Variants in CAPN1 observed in about 807,000 individuals in gnomAD.
CAPN1 encodes the protein calpain-1 catalytic subunit.
CAPN1 carries 77 observed loss-of-function variants against 105.2 expected under a neutral mutation model. The observed-to-expected ratio is 0.73, with a 90% CI of 0.61 to 0.88. The LOEUF (loss-of-function observed/expected upper bound fraction) is 0.88, where lower values mean the gene tolerates loss of function less well. Ranked by LOEUF, CAPN1 falls within the 40% of genes least tolerant of loss-of-function variation. The pLI, the probability that CAPN1 is intolerant of heterozygous loss-of-function variation, is 0.00. For synonymous variants in CAPN1, 355 were observed against 388.8 expected (o/e 0.91, Z 1.02); for missense variants, 833 against 976.6 (o/e 0.85, Z 1.96).
chr11:65,182,803 C>T lies in CAPN1; in HGVS notation c.102C>T (p.Ala34=), dbSNP rs370263547. ...RELGLGRHEN[A]IKYLGQDYEQ... ...TGGGCCTGGGCCGCCATGAGAATGC[C>T]ATCAAGTACCTGGGCCAGGATTATG... is the stretch of plus-strand genomic sequence containing the variant. The change falls in exon 2 of 22, where the codon GCC becomes GCT. Residue 34 remains alanine, a synonymous_variant. Coordinates refer to ENST00000279247, the MANE Select transcript of CAPN1 (RefSeq NM_005186.4). 1.3e-6 allele frequency: 2 copies of T among 1,588,072 alleles called. No individual in the cohort carries two copies. Among genetic ancestry groups the T allele is most frequent in the African/African-American group, 2.7e-5 (2 of 74,204 alleles).
intron 10 of CAPN1, among the ~76,000 whole-genome samples, chr11:65,203,139 A>C (rs1408356853): frequency 6.6e-6 from 1 of 151,712 alleles, no homozygotes; most frequent in Non-Finnish European, 1.5e-5. Flanking sequence ...CAGTTGATGG[A>C]TAATTGGGTA....
In CAPN1 at chr11:65,182,936, A is replaced by G. The variant is rs778246962; in HGVS notation, c.235A>G (p.Lys79Glu). The G allele has an allele frequency of 1.9e-6, 3 of 1,613,248 alleles. No homozygotes were observed. Among genetic ancestry groups the G allele is most frequent in the Non-Finnish European group, 1.7e-6 (2 of 1,179,598 alleles). Residue 79 changes from lysine (K) to glutamate (E), a missense_variant, in exon 2 of 22, where the codon AAG (lysine) becomes GAG (glutamate). Physicochemically the swap from Lys to Glu is moderately conservative, Grantham distance 56. Transcript: ENST00000279247. The stretch of plus-strand genomic sequence containing the variant: ...CAAGGACCTGGGTCCCAATTCCTCC[A>G]AGACCTATGGCATCAAGTGGAAGCG... The part of the protein sequence containing the change: ...GYKDLGPNSS[K>E]TYGIKWKRPT...
At chr11:65,202,087 A>G (rs1384984291) in intron 10 of CAPN1, among the ~76,000 whole-genome samples, 4 of 151,994 alleles carry the variant, frequency 2.6e-5, no homozygotes, top group African/African-American at 7.2e-5. Context: ...GGCCTCCCAC[A>G]GTGCTGGGAT....
chr11:65,188,335 G>T lies in CAPN1; in HGVS notation c.930-79G>T. The T allele has an allele frequency of 7.5e-7, 1 of 1,331,244 alleles. No individual in the cohort carries two copies. Among genetic ancestry groups the T allele is most frequent in the Non-Finnish European group, 1.1e-6 (1 of 950,558 alleles). The allele number at this position is 1,331,244 out of a possible 1,614,324, so 82.5% of individuals were successfully genotyped here. ...CCTGGGCTGGGCCGGGGGAAGACAG[G>T]CCAGGGTAGACAGGCCCCAGGGACA... On this transcript the variant is annotated intron_variant, in intron 8 of 21. Coordinates refer to ENST00000279247, the MANE Select transcript of CAPN1 (RefSeq NM_005186.4). The surrounding 1 kb of genome is among the most constrained non-coding windows in gnomAD (Gnocchi z 5.5).
At chr11:65,186,076 C>G (rs375599975) in intron 5 of CAPN1, 26 bp downstream of exon 5, 37 of 1,608,850 alleles carry the variant, frequency 2.3e-5, no homozygotes, top group Non-Finnish European at 1.4e-5. Flanking sequence ...GGGGGCAACT[C>G]CAGCTTCCAG....
At chr11:65,204,631 A>G in intron 10 of CAPN1, 52 bp from the exon 11 acceptor site, 2 of 1,559,918 alleles carry the variant, frequency 1.3e-6, no homozygotes, top group Non-Finnish European at 1.8e-6. Flanking sequence ...TTGGGGGCCA[A>G]TTGGCTCTGC....
In CAPN1 at chr11:65,204,693, G is replaced by A. The variant is rs756830713; in HGVS notation, c.1176G>A (p.Trp392Ter). Residue 392 changes from tryptophan to a stop codon, truncating the protein, a stop_gained, in exon 11 of 22, where the codon TGG becomes TGA. Coordinates refer to ENST00000279247, the MANE Select transcript of CAPN1 (RefSeq NM_005186.4). LOFTEE classifies it high-confidence loss of function. ...CTCACCTGCCCGCAGCCACCTTCTG[G>A]GTGAACCCTCAGTTCAAGATCCGGC... ...GGCRNYPATF[W>*]VNPQFKIRLD... The A allele has an allele frequency of 2.5e-6, 4 of 1,611,796 alleles. No individual in the cohort carries two copies. The highest frequency in any genetic ancestry group is 1.7e-5 in the Admixed American group (1 of 59,990).
At chr11:65,187,186 C>T (rs1565393608) in intron 6 of CAPN1, 29 bp from the exon 7 acceptor site, 4 of 1,580,762 alleles carry the variant, frequency 2.5e-6, no homozygotes, top group Non-Finnish European at 3.5e-6. Context: ...GACCTAGCCA[C>T]TGACCACAGT....
intron 10 of CAPN1, among the ~76,000 whole-genome samples, chr11:65,190,535 A>T (rs11227147): frequency 2.6e-5 from 4 of 151,952 alleles, no homozygotes; most frequent in Non-Finnish European, 4.4e-5. Context: ...AGCGCCCTCA[A>T]GTAGTCCTGA....
At chr11:65,183,949 TCTC>T (rs1184609444) in intron 4 of CAPN1, among the ~76,000 whole-genome samples, 3 of 152,092 alleles carry the variant, frequency 2.0e-5, no homozygotes, top group African/African-American at 7.2e-5. Flanking sequence ...CGTGTGGCCT[TCTC>T]CACGTGTCAA....
At chr11:65,202,283 T>A (rs1948883087) in intron 10 of CAPN1, among the ~76,000 whole-genome samples, 1 of 152,196 alleles carries the variant, frequency 6.6e-6, no homozygotes, top group African/African-American at 2.4e-5. Flanking sequence ...ATTATTTACC[T>A]TGCAGGGTTC....
chr11:65,193,126 G>T (rs543020290), intron 10 of CAPN1, among the ~76,000 whole-genome samples: 3 of 149,578 alleles, frequency 2.0e-5, no homozygotes, highest in East Asian at 4.0e-4. Context: ...GACTACAGGT[G>T]CCCACCACCA....
rs1949044796 is a variant in CAPN1, at chr11:65,211,281, G to T, written c.2140G>T (p.Ala714Ser). ...GCAGTGGTTGCAGCTGACCATGTTTGCATGAGGCAGGGACTCGGTCCCCCT... is the reference window on the plus strand; with the variant it reads ...GCAGTGGTTGCAGCTGACCATGTTTTCATGAGGCAGGGACTCGGTCCCCCT... ...LFKWLQLTMF[A>S] is the part of the protein sequence containing the mutation. The change falls in exon 22 of 22, where the codon GCA becomes TCA. Residue 714 changes from alanine to serine, a missense_variant. Ala to Ser is a moderately conservative substitution (Grantham distance 99). Transcript: ENST00000279247. 6.2e-7 allele frequency: 1 copy of T among 1,612,582 alleles called. No individual in the cohort carries two copies. The highest frequency in any genetic ancestry group is 8.5e-7 in the Non-Finnish European group (1 of 1,179,770).
At position 65,211,689 on chromosome 11, in the gene CAPN1, A is replaced by C; in HGVS notation, c.*403A>C. 4.3e-6 allele frequency: 1 copy of C among 230,072 alleles called. No homozygotes were observed. Among genetic ancestry groups the C allele is most frequent in the Non-Finnish European group, 8.8e-6 (1 of 113,038 alleles). 14.3% of individuals were successfully genotyped at this position (230,072 alleles called of 1,614,324 possible). A position where few individuals can be genotyped will look rare whatever the true frequency, so the allele number is the denominator to read the frequency against. ...TAAACTATAACCACTAGCTCGACAC[A>C]GTCTGCAGTCCAGGCGTGTGGAGCC... On this transcript the variant is annotated 3_prime_UTR_variant, in exon 22 of 22. Coordinates refer to ENST00000279247, the MANE Select transcript of CAPN1 (RefSeq NM_005186.4).
rs747602003 is a variant in CAPN1, at chr11:65,183,544, G to A, written c.408G>A (p.Pro136=). The A allele has an allele frequency of 3.1e-6, 5 of 1,613,736 alleles. No individual in the cohort carries two copies. The highest frequency in any genetic ancestry group is 3.4e-6 in the Non-Finnish European group (4 of 1,179,784). ...ACACCCTCCTGCACCGAGTGGTTCC[G>A]CACGGCCAGAGCTTCCAGAATGGCT... The part of the protein sequence containing the change: ...LNDTLLHRVV[P]HGQSFQNGYA... Residue 136 remains proline, a synonymous_variant, in exon 4 of 22, where the codon CCG becomes CCA. Transcript: ENST00000279247.
intron 4 of CAPN1, among the ~76,000 whole-genome samples, chr11:65,184,117 T>C (rs1318969032): frequency 2.6e-5 from 4 of 152,174 alleles, no homozygotes; most frequent in Admixed American, 6.5e-5. Flanking sequence ...CTCAATGAGC[T>C]GCCTTTGGGA....
rs1265376534 is a variant in CAPN1, at chr11:65,210,615, A to G, written c.2059+163A>G. On this transcript the variant is annotated intron_variant, in intron 20 of 21. Coordinates refer to ENST00000279247, the MANE Select transcript of CAPN1 (RefSeq NM_005186.4). The surrounding 1 kb of genome is among the most constrained non-coding windows in gnomAD (Gnocchi z 4.3). Reference sequence around the variant, plus strand: ...GTTTGGGGGGCCCTGGCTGAGTGCCAGGAGAGTCGGGGAGGGAGGGAGTTG... The same window carrying G: ...GTTTGGGGGGCCCTGGCTGAGTGCCGGGAGAGTCGGGGAGGGAGGGAGTTG... Among the ~76,000 whole-genome samples, 1 of 152,098 alleles carries G rather than the reference A, an allele frequency of 6.6e-6. No homozygotes were observed. The highest frequency in any genetic ancestry group is 2.4e-5 in the African/African-American group (1 of 41,406).
chr11:65,206,651 C>T lies in CAPN1; in HGVS notation c.1542C>T (p.Phe514=). ...AGGGCGACTTCGTGCTGCGCTTCTT[C>T]TCAGAGAAGAGTGCTGGGACTGTGT... is the stretch of plus-strand genomic sequence containing the variant. ...NKEGDFVLRF[F]SEKSAGTVEL... The change falls in exon 13 of 22, where the codon TTC becomes TTT. Residue 514 remains phenylalanine, a synonymous_variant. Coordinates refer to ENST00000279247, the MANE Select transcript of CAPN1 (RefSeq NM_005186.4). 6.2e-7 allele frequency: 1 copy of T among 1,613,400 alleles called. No homozygotes were observed. The highest frequency in any genetic ancestry group is 8.5e-7 in the Non-Finnish European group (1 of 1,179,856).
intron 7 of CAPN1, 114 bp downstream of exon 7, chr11:65,187,412 C>A: frequency 3.2e-6 from 2 of 615,384 alleles, no homozygotes; most frequent in Non-Finnish European, 5.8e-6. Context: ...CTTTCCCCTC[C>A]TGCAGCACCT....
Sources: allele counts gnomAD v4.1 joint callset (sites outside exome capture counted in the v4.1 genomes callset), GRCh38; gene constraint gnomAD v4.1.1; non-coding constraint Gnocchi (gnomAD v3.1); transcripts MANE v1.5; gene names NCBI Gene and HGNC (gene_info 2026-07-23, HGNC 2026-07-21).